The following ZFR variants were observed in gnomAD, a reference collection of about 807,000 sequenced individuals.
ZFR encodes the protein zinc finger RNA-binding protein.
Under a neutral mutation model 130.7 loss-of-function variants are expected in ZFR, and 19 were observed. The observed-to-expected ratio is 0.15, with a 90% CI of 0.10 to 0.21. The LOEUF (loss-of-function observed/expected upper bound fraction) is 0.21. ZFR is among the 10% of genes least tolerant of loss of function. The pLI, the probability that ZFR is intolerant of heterozygous loss-of-function variation, is 1.00. For synonymous variants in ZFR, 466 were observed against 456.9 expected, an observed-to-expected ratio of 1.02 and a Z score of -0.25; for missense variants, 872 against 1,321.5, an observed-to-expected ratio of 0.66 and a Z score of 5.27.
intron 5 of ZFR, 96 bp from the exon 6 acceptor site, chr5:32,407,117 G>T: frequency 8.8e-7 from 1 of 1,138,422 alleles, no homozygotes; most frequent in Non-Finnish European, 1.2e-6. Context: ...TGCCAATAAA[G>T]ATAGATTTAC....
chr5:32,423,363 T>TA (rs1753998592), intron 2 of ZFR, among the ~76,000 whole-genome samples: 1 of 151,890 alleles, frequency 6.6e-6, no homozygotes, highest in African/African-American at 2.4e-5. Flanking sequence ...AAAAAATTTT[T>TA]AAAAAATGAA....
chr5:32,395,155 T>C lies in ZFR; in HGVS notation c.1979+4A>G. On this transcript the variant is annotated splice_donor_region_variant and intron_variant, in intron 11 of 19. Transcript: ENST00000265069. ...ACCAGGCTATTAAAAGTTAAAGATA[T>C]TACCTCATTTCCATTCTCCAACGCT... 3 of 1,588,556 alleles carry C rather than the reference T, an allele frequency of 1.9e-6. No homozygotes were observed. Among genetic ancestry groups the C allele is most frequent in the African/African-American group, 1.4e-5 (1 of 73,656 alleles).
intron 3 of ZFR, among the ~76,000 whole-genome samples, chr5:32,419,300 G>C (rs935022678): frequency 1.3e-5 from 2 of 152,062 alleles, no homozygotes; most frequent in African/African-American, 4.8e-5. Context: ...ATGGACGGGG[G>C]GTGAGAGGAA....
chr5:32,415,513 T>TGTGTGA (rs1554073605), intron 4 of ZFR, among the ~76,000 whole-genome samples: 1 of 92,250 alleles, frequency 1.1e-5, no homozygotes, highest in Non-Finnish European at 2.1e-5. Context: ...TGTGTGTGTG[T>TGTGTGA]GTGCGCGCGC....
intron 2 of ZFR, among the ~76,000 whole-genome samples, chr5:32,440,104 C>T (rs566234142): frequency 9.9e-5 from 15 of 152,124 alleles, no homozygotes; most frequent in Middle Eastern, 3.4e-3. Context: ...TAGTTCTCTC[C>T]GCAAGATTTA....
At chr5:32,434,505 T>C (rs566828882) in intron 2 of ZFR, among the ~76,000 whole-genome samples, 38 of 152,366 alleles carry the variant, frequency 2.5e-4, no homozygotes, top group African/African-American at 8.2e-4. Flanking sequence ...GTCTCTACTT[T>C]CTTTTCTAGC....
At chr5:32,398,315 C>G (rs943617752) in intron 9 of ZFR, among the ~76,000 whole-genome samples, 8 of 152,090 alleles carry the variant, frequency 5.3e-5, no homozygotes, top group Non-Finnish European at 1.2e-4. Context: ...TTTTGGTATA[C>G]AAAATTTCTC....
chr5:32,356,319 T>C (rs1006091626), intron 19 of ZFR, among the ~76,000 whole-genome samples: 17 of 152,358 alleles, frequency 1.1e-4, no homozygotes, highest in Non-Finnish European at 2.2e-4. Context: ...GTAGACAGTA[T>C]GTAACTTAAG....
At chr5:32,361,094 C>T (rs531201485) in intron 19 of ZFR, among the ~76,000 whole-genome samples, 14 of 152,318 alleles carry the variant, frequency 9.2e-5, no homozygotes, top group South Asian at 2.1e-4. Context: ...AGATTACAGG[C>T]GTGAGCCACT....
At chr5:32,423,691 G>A (rs950082304) in intron 2 of ZFR, among the ~76,000 whole-genome samples, 2 of 152,024 alleles carry the variant, frequency 1.3e-5, no homozygotes, top group Non-Finnish European at 2.9e-5. Flanking sequence ...CGTGAACCAC[G>A]TTTTCAAATT....
At chr5:32,418,794 A>G (rs1753889343) in intron 3 of ZFR, among the ~76,000 whole-genome samples, 1 of 152,254 alleles carries the variant, frequency 6.6e-6, no homozygotes, top group Non-Finnish European at 1.5e-5. Context: ...GGGAAAGTTC[A>G]GAAGGACCAA....
At chr5:32,417,877 A>G (rs1225864944) in intron 3 of ZFR, 85 bp from the exon 4 acceptor site, 1 of 1,269,716 alleles carries the variant, frequency 7.9e-7, no homozygotes, top group Non-Finnish European at 1.1e-6. Context: ...CAATAAAGGA[A>G]AACAAAACAC....
intron 5 of ZFR, among the ~76,000 whole-genome samples, chr5:32,409,493 C>T (rs1002071889): frequency 1.3e-5 from 2 of 151,636 alleles, no homozygotes; most frequent in African/African-American, 4.8e-5. Flanking sequence ...GCAACCTCTG[C>T]CTCCCAGGTT....
chr5:32,424,545 A>G (rs1754029539), intron 2 of ZFR, among the ~76,000 whole-genome samples: 1 of 151,922 alleles, frequency 6.6e-6, no homozygotes, highest in Non-Finnish European at 1.5e-5. Context: ...AAAAAAAAAA[A>G]AAAGAAAAAG....
Position 32,387,981 on chromosome 5 carries a change from G to A in ZFR, c.2349-282C>T, listed in dbSNP as rs1753076496. 3.9e-5 allele frequency among the ~76,000 whole-genome samples: 6 copies of A among 152,236 alleles called. No homozygotes were observed. In the South Asian group the frequency reaches 1.2e-3, roughly 32 times the overall value. On this transcript the variant is annotated intron_variant, in intron 13 of 19. Transcript: ENST00000265069. ...CACAAGTCAGAATAATAGGAGTTAT[G>A]TTTAATGTAATACAAAAATATTTCC... is the stretch of plus-strand genomic sequence containing the variant.
chr5:32,421,445 T>C (rs959557551), intron 2 of ZFR, among the ~76,000 whole-genome samples: 1 of 152,234 alleles, frequency 6.6e-6, no homozygotes, highest in South Asian at 2.1e-4. Context: ...TTTGGGGCTA[T>C]CATATTTTAA....
chr5:32,358,637 A>T (rs1280920581), intron 19 of ZFR, among the ~76,000 whole-genome samples: 2 of 152,160 alleles, frequency 1.3e-5, no homozygotes, highest in Non-Finnish European at 2.9e-5. Context: ...CTCAAAGAAA[A>T]AAAAAAATTT....
chr5:32,395,806 T>C lies in ZFR; in HGVS notation c.1834-502A>G, dbSNP rs943178845. Among the ~76,000 whole-genome samples, 27 of 152,100 alleles carry C rather than the reference T, an allele frequency of 1.8e-4. 1 individual carries two copies. The highest frequency in any genetic ancestry group is 1.5e-3 in the Admixed American group (23 of 15,248). On this transcript the variant is annotated intron_variant, in intron 10 of 19. Coordinates refer to ENST00000265069, the MANE Select transcript of ZFR (RefSeq NM_016107.5). ...ATATTTTCTCAATAATATTTTCTCTTCTCTAGCTTACTTTATTCTAAGAAT... is the reference window on the plus strand; with the variant it reads ...ATATTTTCTCAATAATATTTTCTCTCCTCTAGCTTACTTTATTCTAAGAAT...
In ZFR at chr5:32,415,515, TGCGC is replaced by T. The variant is rs70961629; in HGVS notation, c.566-332_566-329del. Among the ~76,000 whole-genome samples, 829 of 97,952 alleles carry T rather than the reference TGCGC, an allele frequency of 8.5e-3. 4 individuals carry two copies. The highest frequency in any genetic ancestry group is 0.022 in the African/African-American group (437 of 19,484). The allele number at this position is 97,952 out of a possible 152,430, so 64.3% of individuals were successfully genotyped here. Reference sequence around the variant, plus strand: ...GTGTGTGTGTGTGTGTGTGTGTGTGTGCGCGCGCGCGCGCGCGCACTAGTCAGTC... The same window carrying T: ...GTGTGTGTGTGTGTGTGTGTGTGTGTGCGCGCGCGCGCGCACTAGTCAGTC... On this transcript the variant is annotated intron_variant, in intron 4 of 19. Coordinates refer to ENST00000265069, the MANE Select transcript of ZFR (RefSeq NM_016107.5).
Sources: allele counts gnomAD v4.1 joint callset (sites outside exome capture counted in the v4.1 genomes callset), GRCh38; gene constraint gnomAD v4.1.1; transcripts MANE v1.5; gene names NCBI Gene and HGNC (gene_info 2026-07-23, HGNC 2026-07-21).